The following DDX21 variants were observed in gnomAD, a reference collection of about 807,000 sequenced individuals.
DDX21 encodes nucleolar RNA helicase 2.
Under a neutral mutation model 90.0 loss-of-function variants are expected in DDX21, and 18 were observed. The ratio of observed to expected loss-of-function variants is 0.20; its 90% CI spans 0.14 to 0.30. DDX21 has a LOEUF of 0.30. DDX21 is among the 10% of genes least tolerant of loss of function. DDX21 has a pLI of 1.00. For synonymous variants in DDX21, 294 were observed against 318.0 expected, an observed-to-expected ratio of 0.92 and a Z score of 0.80; for missense variants, 673 against 944.5, an observed-to-expected ratio of 0.71 and a Z score of 3.77.
chr10:68,969,107 G>T lies in DDX21; in HGVS notation c.1222G>T (p.Ala408Ser), dbSNP rs776368173. Residue 408 changes from alanine to serine, a missense_variant, in exon 7 of 15, where the codon GCA becomes TCA. Ala to Ser is a moderately conservative substitution (Grantham distance 99, BLOSUM62 1). Coordinates refer to ENST00000354185, the MANE Select transcript of DDX21 (RefSeq NM_004728.4). Reference sequence around the variant, plus strand: ...GATTGGTAAAAAGACTCAGAAAACGGCAATAACTGTGGAGGTAAATTATTT... The same window carrying T: ...GATTGGTAAAAAGACTCAGAAAACGTCAATAACTGTGGAGGTAAATTATTT... ...DLIGKKTQKT[A>S]ITVEHLAIKC... is the part of the protein sequence containing the mutation. 6.2e-7 allele frequency: 1 copy of T among 1,610,612 alleles called. No individual in the cohort carries two copies. The highest frequency in any genetic ancestry group is 8.5e-7 in the Non-Finnish European group (1 of 1,179,242).
chr10:68,981,851 T>TTGTGTG (rs141752628), intron 14 of DDX21, among the ~76,000 whole-genome samples: 5 of 148,826 alleles, frequency 3.4e-5, no homozygotes, highest in Admixed American at 2.0e-4. Context: ...TATATAGATT[T>TTGTGTG]TGTGTGTGTG....
At chr10:68,967,564 A>G (rs987251440) in intron 6 of DDX21, among the ~76,000 whole-genome samples, 3 of 151,902 alleles carry the variant, frequency 2.0e-5, no homozygotes, top group African/African-American at 7.3e-5. Flanking sequence ...AAAAAAAGTC[A>G]TTACTCTGGG....
Position 68,956,242 on chromosome 10 carries a change from G to T in DDX21, c.17G>T (p.Arg6Leu). The T allele has an allele frequency of 6.2e-7, 1 of 1,614,124 alleles. No individual in the cohort carries two copies. Among genetic ancestry groups the T allele is most frequent in the South Asian group, 1.1e-5 (1 of 91,082 alleles). Residue 6 changes from arginine to leucine, a missense_variant, in exon 1 of 15, where the codon CGT becomes CTT. By Grantham distance (102) the Arg-to-Leu change is moderately radical (BLOSUM62 -2). This residue lies in a region of DDX21 where 204 missense variants were observed against 221.6 expected (regional missense o/e 0.92). Coordinates refer to ENST00000354185, the MANE Select transcript of DDX21 (RefSeq NM_004728.4). ...GCGCTGAAGATGCCGGGAAAACTCC[G>T]TAGTGACGCTGGTTTGGAATCAGAC... MPGKL[R>L]SDAGLESDTA...
At chr10:68,968,953 T>A in intron 6 of DDX21, 23 bp from the exon 7 acceptor site, 1 of 1,568,676 alleles carries the variant, frequency 6.4e-7, no homozygotes, top group Non-Finnish European at 8.7e-7. Context: ...TCATACTGAC[T>A]TTTTTTTTCC....
At chr10:68,957,684 G>C (rs1039043977) in intron 1 of DDX21, among the ~76,000 whole-genome samples, 1 of 152,156 alleles carries the variant, frequency 6.6e-6, no homozygotes, top group Non-Finnish European at 1.5e-5. Context: ...CACCAGGATG[G>C]GAAACTCAGT....
chr10:68,965,998 A>T (rs544882161), intron 5 of DDX21, among the ~76,000 whole-genome samples: 78 of 152,088 alleles, frequency 5.1e-4, no homozygotes, highest in African/African-American at 1.5e-3. Context: ...TAAGGAATTT[A>T]AAAAAATCAT....
intron 2 of DDX21, 86 bp from the exon 3 acceptor site, chr10:68,961,996 A>G: frequency 9.3e-7 from 1 of 1,072,628 alleles, no homozygotes; most frequent in Non-Finnish European, 1.4e-6. Context: ...GCTTTAGGAT[A>G]GCTTGTTTTG....
chr10:68,980,269 C>A (rs1448377608), intron 13 of DDX21, among the ~76,000 whole-genome samples: 1 of 152,054 alleles, frequency 6.6e-6, no homozygotes, highest in Non-Finnish European at 1.5e-5. Flanking sequence ...ATATATAAAT[C>A]TTTTCCTCCA....
intron 13 of DDX21, among the ~76,000 whole-genome samples, chr10:68,980,204 C>T (rs149655187): frequency 6.6e-6 from 1 of 152,130 alleles, no homozygotes; most frequent in Admixed American, 6.5e-5. Context: ...CGCGCCATTA[C>T]ACTCCAGCTT....
rs138307305 is a variant in DDX21 at position 68,968,504 on chromosome 10, A to AT, written c.1091-472_1091-471insT. 1.4e-4 allele frequency among the ~76,000 whole-genome samples: 21 copies of AT among 152,330 alleles called. No individual in the cohort carries two copies. In the East Asian group the frequency reaches 3.7e-3, roughly 27 times the overall value. ...CCAGAAGTGGAATTACTGAGCTTAA[A>AT]AGTGTAAAAAATTCATGCTCCTCAA... On this transcript the variant is annotated intron_variant, in intron 6 of 14. Coordinates refer to ENST00000354185, the MANE Select transcript of DDX21 (RefSeq NM_004728.4).
Position 68,960,009 on chromosome 10 carries a change from GA to G in DDX21, c.296del (p.Lys99ArgfsTer16). The G allele has an allele frequency of 6.2e-7, 1 of 1,604,082 alleles. No individual in the cohort carries two copies. The highest frequency in any genetic ancestry group is 1.7e-5 in the Admixed American group (1 of 57,806). ...CTCCTAAAACCAAAAGTTTGAGAAA[GA>G]AAAAGGAGCCCATTGAAAAGAAAGT... is the stretch of plus-strand genomic sequence containing the variant. ...ISPKTKSLRK[K>X]KEPIEKKVVS... On this transcript the variant is annotated frameshift_variant, in exon 2 of 15. Transcript: ENST00000354185. LOFTEE classifies it high-confidence loss of function.
chr10:68,972,020 G>A lies in DDX21; in HGVS notation c.1516G>A (p.Val506Ile), dbSNP rs1170061170. 6.2e-7 allele frequency: 1 copy of A among 1,614,076 alleles called. No individual in the cohort carries two copies. The highest frequency in any genetic ancestry group is 8.5e-7 in the Non-Finnish European group (1 of 1,180,002). ...VAARGLDIPE[V>I]DLVIQSSPPK... ...TGCACGTGGGTTAGACATCCCTGAGGTTGATTTGGTTATACAAAGCTCTCC... is the reference window on the plus strand; with the variant it reads ...TGCACGTGGGTTAGACATCCCTGAGATTGATTTGGTTATACAAAGCTCTCC... The change falls in exon 9 of 15, where the codon GTT (valine) becomes ATT (isoleucine). Residue 506 changes from valine to isoleucine, a missense_variant. Val to Ile is a conservative substitution (Grantham distance 29). Transcript: ENST00000354185.
intron 11 of DDX21, among the ~76,000 whole-genome samples, chr10:68,975,476 G>A (rs1283163510): frequency 6.6e-6 from 1 of 152,156 alleles, no homozygotes; most frequent in Non-Finnish European, 1.5e-5. Context: ...CCTCCTGATG[G>A]TGACCTATGT....
At chr10:68,970,106 T>A in intron 7 of DDX21, 95 bp from the exon 8 acceptor site, 2 of 1,211,802 alleles carry the variant, frequency 1.7e-6, no homozygotes, top group Non-Finnish European at 2.3e-6. Flanking sequence ...AGCAAGACAT[T>A]AGAACATTAG....
Position 68,978,941 on chromosome 10 carries a change from A to C in DDX21, c.2002A>C (p.Lys668Gln). 1 of 1,614,208 alleles carries C rather than the reference A, an allele frequency of 6.2e-7. No individual in the cohort carries two copies. Among genetic ancestry groups the C allele is most frequent in the Non-Finnish European group, 8.5e-7 (1 of 1,180,028 alleles). ...KEQLGEEIDSKVKGMVFLKGK... is the reference protein window; with the variant it reads ...KEQLGEEIDSQVKGMVFLKGK... Reference sequence around the variant, plus strand: ...GCAGCTGGGCGAGGAGATTGATTCCAAAGTGAAGGGAATGGTTTTTCTCAA... The same window carrying C: ...GCAGCTGGGCGAGGAGATTGATTCCCAAGTGAAGGGAATGGTTTTTCTCAA... Residue 668 changes from lysine (K) to glutamine (Q), a missense_variant, in exon 13 of 15, where the codon AAA becomes CAA. Physicochemically the swap from Lys to Gln is moderately conservative, Grantham distance 53 (BLOSUM62 1). Transcript: ENST00000354185.
intron 11 of DDX21, 23 bp downstream of exon 11, chr10:68,974,766 G>C (rs1431703126): frequency 6.3e-7 from 1 of 1,599,382 alleles, no homozygotes; most frequent in South Asian, 1.1e-5. Context: ...CCACTGCTAT[G>C]GTCTGTTTTA....
chr10:68,974,116 G>T lies in DDX21; in HGVS notation c.1668+452G>T, dbSNP rs140989027. Among the ~76,000 whole-genome samples, 333 of 152,322 alleles carry T rather than the reference G, an allele frequency of 2.2e-3. 2 individuals carry two copies. The highest frequency in any genetic ancestry group is 7.7e-3 in the African/African-American group (319 of 41,574). On this transcript the variant is annotated intron_variant, in intron 10 of 14. Transcript: ENST00000354185. ...TAGGGACTTGCTTTCAAAGAATAGA[G>T]TAAGGTGGGGAGTGAGGACTTTACC... is the stretch of plus-strand genomic sequence containing the variant.
rs566639779 is a variant in DDX21, at chr10:68,970,650, T to C, written c.1386+300T>C. 2.0e-4 allele frequency among the ~76,000 whole-genome samples: 30 copies of C among 152,098 alleles called. 1 individual carries two copies. Among genetic ancestry groups the C allele is most frequent in the African/African-American group, 7.0e-4 (29 of 41,488 alleles). On this transcript the variant is annotated intron_variant, in intron 8 of 14. Transcript: ENST00000354185. ...TGAGCACCACCATTCCTGGTTAATT[T>C]TGTTTTTTCTTTATTTTTTTGAGAG...
intron 12 of DDX21, among the ~76,000 whole-genome samples, chr10:68,978,255 G>C (rs535750893): frequency 1.9e-3 from 286 of 152,272 alleles, no homozygotes; most frequent in Non-Finnish European, 3.7e-3. Flanking sequence ...ATGGATGCAG[G>C]ATTCTTTTGG....
Sources: allele counts gnomAD v4.1 joint callset (sites outside exome capture counted in the v4.1 genomes callset), GRCh38; gene constraint gnomAD v4.1.1; regional missense constraint gnomAD v4.1.1; transcripts MANE v1.5; gene names NCBI Gene and HGNC (gene_info 2026-07-23, HGNC 2026-07-21).